The following GPR160 variants were observed in gnomAD, a reference collection of about 807,000 sequenced individuals.
The protein encoded by GPR160 is G protein-coupled receptor 160, also known as probable G protein-coupled receptor 160.
Under a neutral mutation model 2.6 loss-of-function variants are expected in GPR160, and 2 were observed. That is an observed-to-expected ratio of 0.77 (90% confidence interval 0.32 to 2.44). The LOEUF is 2.44. Among genes scored for constraint, GPR160 ranks in the 30% most tolerant of loss-of-function variants. GPR160 has a pLI of 0.11. For synonymous variants in GPR160, 130 were observed against 132.2 expected, an observed-to-expected ratio of 0.98 and a Z score of 0.12; for missense variants, 351 against 383.6, an observed-to-expected ratio of 0.91 and a Z score of 0.71.
At chr3:170,082,263 T>G (rs1409438949) in intron 3 of GPR160, among the ~76,000 whole-genome samples, 1 of 152,242 alleles carries the variant, frequency 6.6e-6, no homozygotes, top group Non-Finnish European at 1.5e-5. Context: ...TGAAAATTTA[T>G]CATGACATTA....
At chr3:170,063,657 C>T (rs1250929859) in intron 2 of GPR160, among the ~76,000 whole-genome samples, 1 of 151,814 alleles carries the variant, frequency 6.6e-6, no homozygotes, top group Admixed American at 6.6e-5. Context: ...GGACGTGTCC[C>T]CCACACCGCG....
chr3:170,080,144 C>T (rs1187229202), intron 3 of GPR160, among the ~76,000 whole-genome samples: 3 of 151,986 alleles, frequency 2.0e-5, no homozygotes, highest in Non-Finnish European at 4.4e-5. Context: ...CTCTTGAGTC[C>T]CTGTATTTTG....
intron 3 of GPR160, among the ~76,000 whole-genome samples, chr3:170,081,821 C>T (rs1304910983): frequency 2.6e-5 from 4 of 152,094 alleles, no homozygotes; most frequent in African/African-American, 9.7e-5. Context: ...TGAAAACATG[C>T]GGTATTTGGT....
At chr3:170,076,257 AAAT>A (rs1263413041) in intron 2 of GPR160, among the ~76,000 whole-genome samples, 5 of 152,136 alleles carry the variant, frequency 3.3e-5, no homozygotes, top group Admixed American at 2.0e-4. Flanking sequence ...CTATTTTTAA[AAAT>A]AAGTAAAATA....
chr3:170,065,446 G>T (rs555283222), intron 2 of GPR160, among the ~76,000 whole-genome samples: 1 of 152,106 alleles, frequency 6.6e-6, no homozygotes, highest in South Asian at 2.1e-4. Flanking sequence ...CACCAACCTC[G>T]GAATCCTCGA....
intron 2 of GPR160, among the ~76,000 whole-genome samples, chr3:170,046,761 CTGTT>C (rs139912051): frequency 3.9e-4 from 59 of 152,242 alleles, no homozygotes; most frequent in African/African-American, 1.4e-3. Flanking sequence ...ATGCAGGTTT[CTGTT>C]TGTTTACATT....
chr3:170,075,024 G>A (rs887045621), intron 2 of GPR160, among the ~76,000 whole-genome samples: 2 of 152,010 alleles, frequency 1.3e-5, no homozygotes, highest in Admixed American at 6.6e-5. Context: ...TCAGGAATTC[G>A]AGACTAGCCT....
At chr3:170,078,208 T>C (rs1450311665) in intron 2 of GPR160, among the ~76,000 whole-genome samples, 3 of 152,150 alleles carry the variant, frequency 2.0e-5, no homozygotes, top group Non-Finnish European at 4.4e-5. Flanking sequence ...TTAAACGACA[T>C]CATGCACAAG....
At chr3:170,061,812 T>C (rs1287106565) in intron 2 of GPR160, among the ~76,000 whole-genome samples, 4 of 152,078 alleles carry the variant, frequency 2.6e-5, no homozygotes, top group Non-Finnish European at 4.4e-5. Context: ...CTCAAAGATA[T>C]TCTTTTAAAT....
intron 2 of GPR160, among the ~76,000 whole-genome samples, chr3:170,066,243 C>T (rs1455155455): frequency 6.8e-6 from 1 of 146,526 alleles, no homozygotes; most frequent in East Asian, 2.0e-4. Flanking sequence ...CGGGTTCACG[C>T]CATTCTCCTG....
chr3:170,079,505 T>C (rs958424103), intron 2 of GPR160, among the ~76,000 whole-genome samples: 61 of 152,338 alleles, frequency 4.0e-4, no homozygotes, highest in African/African-American at 1.3e-3. Context: ...AGCTGCTTTA[T>C]CCTGTGGCTG....
In GPR160 at chr3:170,084,822, AAT is replaced by A; in HGVS notation, c.852_853del (p.Asn284LysfsTer11). 1 of 1,609,278 alleles carries A rather than the reference AAT, an allele frequency of 6.2e-7. No individual in the cohort carries two copies. The highest frequency in any genetic ancestry group is 8.5e-7 in the Non-Finnish European group (1 of 1,176,298). On this transcript the variant is annotated frameshift_variant, in exon 4 of 4. Transcript: ENST00000355897. LOFTEE classifies it high-confidence loss of function. The stretch of plus-strand genomic sequence containing the variant: ...GAATATTCCCTGGTTATACTTTGTC[AAT>A]AGTTTTCTCATTGCTACAGTGTATT... The part of the protein sequence containing the change: ...EMNIPWLYFV[N>X]SFLIATVYWF...
chr3:170,075,540 C>T lies in GPR160; in HGVS notation c.-192-4234C>T, dbSNP rs560907519. Among the ~76,000 whole-genome samples, 79 of 152,322 alleles carry T rather than the reference C, an allele frequency of 5.2e-4. No individual in the cohort carries two copies. The Middle Eastern group carries it at 0.017, about 33-fold the overall frequency. On this transcript the variant is annotated intron_variant, in intron 2 of 3. Transcript: ENST00000355897. ...TTGTGAATCGCCAGGGGCTTTGCTTCACATGGTCACTCAAGGACCCAGGTT... is the reference window on the plus strand; with the variant it reads ...TTGTGAATCGCCAGGGGCTTTGCTTTACATGGTCACTCAAGGACCCAGGTT...
chr3:170,059,319 T>C (rs1711818066), intron 2 of GPR160, among the ~76,000 whole-genome samples: 2 of 152,196 alleles, frequency 1.3e-5, no homozygotes, highest in African/African-American at 4.8e-5. Context: ...TATATCAAAT[T>C]GATTACATAA....
intron 2 of GPR160, chr3:170,057,754 T>TATCG (rs963860241): frequency 6.6e-6 from 1 of 152,256 alleles, no homozygotes; most frequent in African/African-American, 2.4e-5. Flanking sequence ...GGATCCGCAG[T>TATCG]ATCGCTGATA....
At chr3:170,045,447 A>AC (rs780479694) in intron 2 of GPR160, among the ~76,000 whole-genome samples, 1 of 117,352 alleles carries the variant, frequency 8.5e-6, no homozygotes, top group African/African-American at 3.4e-5. Context: ...AAAAAAAAAA[A>AC]CCAATTAGCC....
Position 170,038,996 on chromosome 3 carries a change from T to A in GPR160, c.-240T>A, listed in dbSNP as rs1039321455. On this transcript the variant is annotated 5_prime_UTR_variant, in exon 2 of 4. Transcript: ENST00000355897. The surrounding 1 kb of genome is among the most constrained non-coding windows in gnomAD (Gnocchi z 5.3). ...CCGGGCCTCCGGAGGCAGGTTCGGC[T>A]GGAAGGAACCGCTCTCGCTTCGTCC... 2.0e-5 allele frequency: 3 copies of A among 151,888 alleles called. No homozygotes were observed. The highest frequency in any genetic ancestry group is 7.3e-5 in the African/African-American group (3 of 41,360). 9.4% of individuals were successfully genotyped at this position (151,888 alleles called of 1,614,324 possible).
At chr3:170,083,221 G>A (rs3772175) in intron 3 of GPR160, 41,773 of 151,462 alleles carry the variant, frequency 0.28, 5,980 homozygotes, top group East Asian at 0.49. Flanking sequence ...TTTACCTACC[G>A]CTTCCTAATG....
At chr3:170,050,137 G>A (rs538317563) in intron 2 of GPR160, among the ~76,000 whole-genome samples, 53 of 150,596 alleles carry the variant, frequency 3.5e-4, no homozygotes, top group African/African-American at 1.2e-3. Context: ...TCGGCTCACT[G>A]CAACCTCCAC....
Sources: gnomAD v4.1 joint callset for allele counts (sites outside exome capture counted in the v4.1 genomes callset) on GRCh38, gnomAD v4.1.1 for gene constraint, Gnocchi (gnomAD v3.1) non-coding constraint, MANE v1.5 for transcripts, NCBI Gene and HGNC (gene_info 2026-07-23, HGNC 2026-07-21) for gene names.